MMP26: variants seen among roughly 807,000 people sequenced by gnomAD.
The protein encoded by MMP26 is matrix metallopeptidase 26.
In MMP26, 33 loss-of-function variants were observed where a neutral mutation model predicts 31.0. The ratio of observed to expected loss-of-function variants is 1.06; its 90% confidence interval spans 0.81 to 1.42. MMP26 has a LOEUF of 1.42. MMP26 is among the 40% of genes most tolerant of loss of function. The probability of loss-of-function intolerance (pLI) is 0.00; values close to 1 mark genes in which losing one functional copy is unlikely to be tolerated. For missense variants in MMP26, 347 were observed against 316.1 expected (o/e 1.10, Z -0.74); for synonymous variants, 122 against 114.9 (o/e 1.06, Z -0.40).
chr11:4,855,722 C>G (rs185056754), intron 2 of MMP26, among the ~76,000 whole-genome samples: 5 of 152,120 alleles, frequency 3.3e-5, no homozygotes, highest in African/African-American at 1.2e-4. Flanking sequence ...ATATAGAGAA[C>G]GCCACAATGA....
intron 2 of MMP26, among the ~76,000 whole-genome samples, chr11:4,852,856 T>C (rs771571251): frequency 6.6e-6 from 1 of 152,114 alleles, no homozygotes; most frequent in African/African-American, 2.4e-5. Flanking sequence ...GTGATAGATA[T>C]ATAATATTCA....
intron 2 of MMP26, chr11:4,769,961 C>G: frequency 1.1e-6 from 1 of 951,806 alleles, no homozygotes. Flanking sequence ...TGCTTCCATC[C>G]TATAGAAGTG....
intron 1 of MMP26, among the ~76,000 whole-genome samples, chr11:4,741,301 G>A (rs1268996963): frequency 6.9e-6 from 1 of 145,648 alleles, no homozygotes; most frequent in African/African-American, 2.7e-5. Context: ...CCCATGACTG[G>A]GTTATACCTA....
chr11:4,931,645 G>C lies in MMP26; in HGVS notation c.-144-56423G>C, dbSNP rs943899522. On this transcript the variant is annotated intron_variant, in intron 2 of 7. Coordinates refer to ENST00000380390, the MANE Select transcript of MMP26 (RefSeq NM_021801.5). ...GCTATTCTTTTAAAATAAGAATATA[G>C]GTTGAAGGAGAGTAGCTATTAGCAA... Among the ~76,000 whole-genome samples, 3 of 152,012 alleles carry C rather than the reference G, an allele frequency of 2.0e-5. No individual in the cohort carries two copies. The South Asian group carries it at 6.2e-4, about 32-fold the overall frequency.
At chr11:4,912,475 G>A (rs910781405) in intron 2 of MMP26, 50 of 152,078 alleles carry the variant, frequency 3.3e-4, no homozygotes, top group African/African-American at 1.2e-3. Context: ...ATTTTCAGTG[G>A]TTTAATGTCT....
intron 2 of MMP26, among the ~76,000 whole-genome samples, chr11:4,857,538 C>G (rs1200961588): frequency 1.9e-4 from 29 of 152,126 alleles, no homozygotes. Context: ...GAAGTTGAAT[C>G]CCTGAATAGA....
At chr11:4,718,148 G>T (rs1847961139) in intron 1 of MMP26, among the ~76,000 whole-genome samples, 1 of 152,146 alleles carries the variant, frequency 6.6e-6, no homozygotes, top group African/African-American at 2.4e-5. Flanking sequence ...ATCTGATTCT[G>T]ATTGAAAGAA....
At chr11:4,843,552 G>T (rs894741883) in intron 2 of MMP26, among the ~76,000 whole-genome samples, 25 of 152,340 alleles carry the variant, frequency 1.6e-4, no homozygotes, top group African/African-American at 6.0e-4. Context: ...GGAACGCAGG[G>T]TGCCATGTCT....
chr11:4,777,706 G>C (rs1397612449), intron 2 of MMP26, among the ~76,000 whole-genome samples: 1 of 152,032 alleles, frequency 6.6e-6, no homozygotes, highest in African/African-American at 2.4e-5. Context: ...TATCTGATTG[G>C]ATCAGTGCTG....
intron 2 of MMP26, chr11:4,804,347 G>A (rs1326970300): frequency 6.2e-7 from 1 of 1,614,150 alleles, no homozygotes; most frequent in Non-Finnish European, 8.5e-7. Context: ...AAGGACACAG[G>A]ATGAGAAGAG....
chr11:4,813,516 C>G (rs1045173754), intron 2 of MMP26, among the ~76,000 whole-genome samples: 1 of 152,060 alleles, frequency 6.6e-6, no homozygotes, highest in East Asian at 1.9e-4. Context: ...CAGGAGCCAC[C>G]ACACACTGCC....
chr11:4,987,323 T>C (rs1846916458), intron 2 of MMP26, among the ~76,000 whole-genome samples: 1 of 152,180 alleles, frequency 6.6e-6, no homozygotes, highest in Non-Finnish European at 1.5e-5. Flanking sequence ...TTCTTCAACA[T>C]ATAGCTATTA....
chr11:4,861,337 A>G (rs541141177), intron 2 of MMP26, among the ~76,000 whole-genome samples: 6 of 150,712 alleles, frequency 4.0e-5, no homozygotes, highest in African/African-American at 1.5e-4. Flanking sequence ...AGTATATACA[A>G]TATATATTAC....
chr11:4,978,393 A>T (rs1194275553), intron 2 of MMP26, among the ~76,000 whole-genome samples: 2 of 152,192 alleles, frequency 1.3e-5, no homozygotes, highest in East Asian at 3.9e-4. Context: ...TTATTAAAGT[A>T]ATTATTTTCT....
chr11:4,806,435 G>A (rs1849271145), intron 2 of MMP26, among the ~76,000 whole-genome samples: 1 of 152,140 alleles, frequency 6.6e-6, no homozygotes, highest in Non-Finnish European at 1.5e-5. Flanking sequence ...ATTTAGGATA[G>A]TTAGCTCTTC....
intron 2 of MMP26, among the ~76,000 whole-genome samples, chr11:4,826,191 C>T (rs1282235153): frequency 6.6e-6 from 1 of 152,002 alleles, no homozygotes. Context: ...TGCCAAGCCC[C>T]AGAACTCTCT....
rs549048764 is a variant in MMP26 at position 4,908,235 on chromosome 11, T to C, written c.-144-79833T>C. Reference sequence around the variant, plus strand: ...TTGGTGCCGCCCCTTATGAACCCCATTGTGTACTGTGTAAAGACTCGACAA... The same window carrying C: ...TTGGTGCCGCCCCTTATGAACCCCACTGTGTACTGTGTAAAGACTCGACAA... On this transcript the variant is annotated intron_variant, in intron 2 of 7. Coordinates refer to ENST00000380390, the MANE Select transcript of MMP26 (RefSeq NM_021801.5). 1.1e-5 allele frequency: 17 copies of C among 1,614,136 alleles called. No individual in the cohort carries two copies. The South Asian group carries it at 1.4e-4, about 14-fold the overall frequency.
intron 2 of MMP26, among the ~76,000 whole-genome samples, chr11:4,831,478 G>A (rs16906735): frequency 0.011 from 1,736 of 152,184 alleles, 31 homozygotes; most frequent in African/African-American, 0.031. Context: ...ATAATTTTCA[G>A]GCACATATCA....
intron 2 of MMP26, among the ~76,000 whole-genome samples, chr11:4,861,378 T>C (rs1850156138): frequency 6.6e-6 from 1 of 150,936 alleles, no homozygotes; most frequent in African/African-American, 2.4e-5. Flanking sequence ...GGATAGGTAC[T>C]CTATATATAT....
Sources: allele counts gnomAD v4.1 joint callset (sites outside exome capture counted in the v4.1 genomes callset), GRCh38; gene constraint gnomAD v4.1.1; transcripts MANE v1.5; gene names NCBI Gene and HGNC (gene_info 2026-07-23, HGNC 2026-07-21).